TBC1D4: variants seen among roughly 807,000 people sequenced by gnomAD.
TBC1D4 encodes TBC1 domain family member 4.
In TBC1D4, 121 loss-of-function variants were observed where a neutral mutation model predicts 142.5. The observed-to-expected ratio is 0.85, with a 90% confidence interval of 0.73 to 0.99. TBC1D4 has a LOEUF of 0.99. TBC1D4 is among the 50% of genes least tolerant of loss of function. The pLI is 0.00. For synonymous variants in TBC1D4, 630 were observed against 628.2 expected, an observed-to-expected ratio of 1.00 and a Z score of -0.04; for missense variants, 1,475 against 1,606.6, an observed-to-expected ratio of 0.92 and a Z score of 1.40.
At chr13:75,355,326 T>C (rs182567916) in intron 4 of TBC1D4, among the ~76,000 whole-genome samples, 1 of 152,176 alleles carries the variant, frequency 6.6e-6, no homozygotes, top group Non-Finnish European at 1.5e-5. Flanking sequence ...TCTAAAGGGT[T>C]GTGTTAAAAT....
At chr13:75,452,663 C>T (rs1239005497) in intron 1 of TBC1D4, among the ~76,000 whole-genome samples, 8 of 152,178 alleles carry the variant, frequency 5.3e-5, no homozygotes, top group African/African-American at 7.2e-5. Flanking sequence ...TACAAATTGC[C>T]GTAAGTGATT....
intron 15 of TBC1D4, among the ~76,000 whole-genome samples, chr13:75,305,803 G>A (rs957131694): frequency 6.6e-6 from 1 of 151,904 alleles, no homozygotes; most frequent in Non-Finnish European, 1.5e-5. Flanking sequence ...ATCTTATATG[G>A]CATAGCAGCA....
intron 10 of TBC1D4, 81 bp downstream of exon 10, chr13:75,326,116 C>T (rs1198741969): frequency 8.0e-6 from 12 of 1,505,536 alleles, no homozygotes; most frequent in African/African-American, 1.4e-5. Context: ...AGCATAAATT[C>T]ACAATCCACC....
At chr13:75,426,436 T>A (rs1886372522) in intron 1 of TBC1D4, among the ~76,000 whole-genome samples, 1 of 152,076 alleles carries the variant, frequency 6.6e-6, no homozygotes, top group Non-Finnish European at 1.5e-5. Context: ...TGGGAGGAGG[T>A]CAACCCTATT....
At chr13:75,306,618 G>A in intron 14 of TBC1D4, 147 bp from the exon 15 acceptor site, 1 of 941,538 alleles carries the variant, frequency 1.1e-6, no homozygotes, top group Non-Finnish European at 1.6e-6. Flanking sequence ...AACAAATTGA[G>A]GATACATGAA....
At chr13:75,301,917 C>G (rs1196209352) in intron 16 of TBC1D4, among the ~76,000 whole-genome samples, 1 of 152,170 alleles carries the variant, frequency 6.6e-6, no homozygotes, top group East Asian at 1.9e-4. Flanking sequence ...GATTAAGATA[C>G]AACTATCTGC....
chr13:75,478,295 G>C (rs186258954), intron 1 of TBC1D4, among the ~76,000 whole-genome samples: 1 of 152,298 alleles, frequency 6.6e-6, no homozygotes, highest in East Asian at 1.9e-4. Flanking sequence ...ATTACTCACA[G>C]TGCTTGTATA....
chr13:75,326,810 T>C (rs1018811740), intron 9 of TBC1D4, among the ~76,000 whole-genome samples: 4 of 152,194 alleles, frequency 2.6e-5, no homozygotes, highest in Non-Finnish European at 5.9e-5. Context: ...AAAAAGATCA[T>C]GACCAAAAGA....
intron 1 of TBC1D4, among the ~76,000 whole-genome samples, chr13:75,438,685 G>A (rs1243768473): frequency 6.6e-6 from 1 of 152,168 alleles, no homozygotes; most frequent in South Asian, 2.1e-4. Context: ...AACATGGTGT[G>A]TCTCTTCACT....
At chr13:75,480,322 C>T (rs187962926) in intron 1 of TBC1D4, among the ~76,000 whole-genome samples, 2 of 152,252 alleles carry the variant, frequency 1.3e-5, no homozygotes, top group East Asian at 3.9e-4. Context: ...ACTGTGCAAA[C>T]AGTAAATAAC....
intron 12 of TBC1D4, among the ~76,000 whole-genome samples, chr13:75,313,817 A>G (rs1456143130): frequency 6.6e-6 from 1 of 152,144 alleles, no homozygotes; most frequent in Admixed American, 6.5e-5. Flanking sequence ...GAGGCACCAC[A>G]CCCAGCCTGT....
At chr13:75,463,909 A>C (rs1384193571) in intron 1 of TBC1D4, among the ~76,000 whole-genome samples, 1 of 152,174 alleles carries the variant, frequency 6.6e-6, no homozygotes, top group East Asian at 1.9e-4. Flanking sequence ...GTTCACCTCC[A>C]CAAGTGGCCT....
At chr13:75,361,528 C>T (rs1399073341) in intron 2 of TBC1D4, among the ~76,000 whole-genome samples, 1 of 152,078 alleles carries the variant, frequency 6.6e-6, no homozygotes, top group African/African-American at 2.4e-5. Context: ...TACAGGCACG[C>T]CCCCACCACA....
intron 1 of TBC1D4, among the ~76,000 whole-genome samples, chr13:75,454,997 A>G (rs1385952920): frequency 6.6e-6 from 1 of 152,202 alleles, no homozygotes; most frequent in Non-Finnish European, 1.5e-5. Context: ...TGCTTTCCCT[A>G]GTTAAATATA....
intron 1 of TBC1D4, among the ~76,000 whole-genome samples, chr13:75,457,635 G>A (rs948037536): frequency 6.6e-6 from 1 of 152,140 alleles, no homozygotes; most frequent in African/African-American, 2.4e-5. Flanking sequence ...CTACAAGAAG[G>A]ACTTAAAAGT....
intron 8 of TBC1D4, among the ~76,000 whole-genome samples, chr13:75,330,419 C>T (rs1293659161): frequency 2.0e-5 from 3 of 152,142 alleles, no homozygotes; most frequent in South Asian, 2.1e-4. Flanking sequence ...AATAGCTGCA[C>T]CTAATATTAT....
chr13:75,457,038 T>C (rs1887765012), intron 1 of TBC1D4, among the ~76,000 whole-genome samples: 2 of 152,006 alleles, frequency 1.3e-5, no homozygotes, highest in South Asian at 2.1e-4. Flanking sequence ...AAAGAGTGCA[T>C]ACTGTATGAT....
intron 12 of TBC1D4, among the ~76,000 whole-genome samples, chr13:75,313,247 T>C (rs1877962558): frequency 6.6e-6 from 1 of 152,248 alleles, no homozygotes; most frequent in Non-Finnish European, 1.5e-5. Flanking sequence ...ATGAATAGCT[T>C]ATTTGAAACA....
At chr13:75,384,216 G>A (rs560698922) in intron 1 of TBC1D4, among the ~76,000 whole-genome samples, 7 of 152,246 alleles carry the variant, frequency 4.6e-5, no homozygotes, top group African/African-American at 9.6e-5. Context: ...CGGGCAGATC[G>A]CTTGAGATCA....
Sources: gnomAD v4.1 joint callset for allele counts (sites outside exome capture counted in the v4.1 genomes callset) on GRCh38, gnomAD v4.1.1 for gene constraint, MANE v1.5 for transcripts, NCBI Gene and HGNC (gene_info 2026-07-23, HGNC 2026-07-21) for gene names.